DNAJA3: variants seen among roughly 807,000 people sequenced by gnomAD.
DNAJA3 encodes dnaJ homolog subfamily A member 3, mitochondrial.
A neutral mutation model predicts 54.9 loss-of-function variants in DNAJA3; 29 were observed. The observed-to-expected ratio is 0.53, with a 90% CI of 0.39 to 0.72. The LOEUF is 0.72. Ranked by LOEUF, DNAJA3 falls within the 30% of genes least tolerant of loss-of-function variation. The probability of loss-of-function intolerance (pLI) is 0.00; values close to 1 mark genes in which losing one functional copy is unlikely to be tolerated. For missense variants in DNAJA3, 708 were observed against 639.4 expected, an observed-to-expected ratio of 1.11 and a Z score of -1.16; for synonymous variants, 302 against 251.4, an observed-to-expected ratio of 1.20 and a Z score of -1.90.
At position 4,446,940 on chromosome 16, in the gene DNAJA3, T is replaced by G; in HGVS notation, c.1051T>G (p.Phe351Val). 6.2e-7 allele frequency: 1 copy of G among 1,614,178 alleles called. No individual in the cohort carries two copies. The highest frequency in any genetic ancestry group is 8.5e-7 in the Non-Finnish European group (1 of 1,180,044). The change falls in exon 8 of 12, where the codon TTT becomes GTT. Residue 351 changes from phenylalanine (F) to valine (V), a missense_variant. Physicochemically the swap from Phe to Val is conservative, Grantham distance 50. Transcript: ENST00000262375. ...RDGADIHSDL[F>V]ISIAQALLGG... Reference sequence around the variant, plus strand: ...CGGCGCAGACATCCACTCCGACCTCTTTATTTCTATAGCTCAGGCTCTTCT... The same window carrying G: ...CGGCGCAGACATCCACTCCGACCTCGTTATTTCTATAGCTCAGGCTCTTCT...
rs532741147 is a variant in DNAJA3, at chr16:4,438,289, C to G, written c.429+804C>G. On this transcript the variant is annotated intron_variant, in intron 3 of 11. Transcript: ENST00000262375. ...CTGAGATTGCGCCACTGCACTCCAG[C>G]CTGGGCGACAGAGCAAGACCCCGTC... is the stretch of plus-strand genomic sequence containing the variant. 3.3e-5 allele frequency among the ~76,000 whole-genome samples: 5 copies of G among 151,950 alleles called. No individual in the cohort carries two copies. In the South Asian group the frequency reaches 1.0e-3, roughly 32 times the overall value.
chr16:4,442,359 G>C lies in DNAJA3; in HGVS notation c.722G>C (p.Gly241Ala). ...ATGGACACGTGTGAGCGCTGCAACG[G>C]CAAGGGGAACGAGCCCGGCACCAAG... ...NIMDTCERCNGKGNEPGTKVQ... is the reference protein window; with the variant it reads ...NIMDTCERCNAKGNEPGTKVQ... Residue 241 changes from glycine to alanine, a missense_variant, in exon 5 of 12, where the codon GGC (glycine) becomes GCC (alanine). Physicochemically the swap from Gly to Ala is moderately conservative, Grantham distance 60 (BLOSUM62 0). Transcript: ENST00000262375. 1 of 1,609,804 alleles carries C rather than the reference G, an allele frequency of 6.2e-7. No individual in the cohort carries two copies. The highest frequency in any genetic ancestry group is 8.5e-7 in the Non-Finnish European group (1 of 1,177,938).
rs1173166570 is a variant in DNAJA3 at position 4,443,015 on chromosome 16, A to G, written c.784-2A>G. On this transcript the variant is annotated splice_acceptor_variant, in intron 5 of 11. Transcript: ENST00000262375. LOFTEE classifies it high-confidence loss of function. ...GGTTACCATTTTTCTTGTTTTTATC[A>G]GGAAACCATCAACACAGGCCCTTTT... 6.2e-7 allele frequency: 1 copy of G among 1,612,452 alleles called. No individual in the cohort carries two copies. The highest frequency in any genetic ancestry group is 8.5e-7 in the Non-Finnish European group (1 of 1,179,136).
rs1388367968 is a variant in DNAJA3 at position 4,443,286 on chromosome 16, G to C, written c.931+122G>C. The C allele has an allele frequency of 5.5e-6, 7 of 1,282,926 alleles. No homozygotes were observed. In the African/African-American group the frequency reaches 1.0e-4, roughly 19 times the overall value. The allele number at this position is 1,282,926 out of a possible 1,614,324, so 79.5% of individuals were successfully genotyped here. A position where few individuals can be genotyped will look rare whatever the true frequency, so the allele number is the denominator to read the frequency against. On this transcript the variant is annotated intron_variant, in intron 6 of 11. Coordinates refer to ENST00000262375, the MANE Select transcript of DNAJA3 (RefSeq NM_005147.6). ...CTGCACTGAGTGTGAGTGGGCTCTT[G>C]GTAGAAGTTATGGTTGAGGCCCTGG...
At position 4,448,775 on chromosome 16, in the gene DNAJA3, G is replaced by A; in HGVS notation, c.1168G>A (p.Gly390Arg). The change falls in exon 9 of 12, where the codon GGG becomes AGG. Residue 390 changes from glycine to arginine, a missense_variant. Transcript: ENST00000262375. Reference sequence around the variant, plus strand: ...GACAGACCAGAAGATTCGGATGGGTGGGAAAGGCATCCCCCGGATTAACAG... The same window carrying A: ...GACAGACCAGAAGATTCGGATGGGTAGGAAAGGCATCCCCCGGATTAACAG... Reference protein sequence around the residue: ...TQTDQKIRMGGKGIPRINSYG... With the variant: ...TQTDQKIRMGRKGIPRINSYG... 1 of 1,614,098 alleles carries A rather than the reference G, an allele frequency of 6.2e-7. No homozygotes were observed. Among genetic ancestry groups the A allele is most frequent in the Non-Finnish European group, 8.5e-7 (1 of 1,180,008 alleles).
intron 7 of DNAJA3, among the ~76,000 whole-genome samples, 159 bp downstream of exon 7, chr16:4,444,887 T>C (rs1389071721): frequency 6.6e-6 from 1 of 152,176 alleles, no homozygotes; most frequent in East Asian, 1.9e-4. Context: ...TTTTAGCTGT[T>C]TGTTACCTTC....
Position 4,449,657 on chromosome 16 carries a change from G to A in DNAJA3, c.1242-743G>A, listed in dbSNP as rs1596370890. ...CCCAAAGTGGTGGGATTACAGGTGT[G>A]AGCCAGCACGCCTGGCCCGTTGCTT... On this transcript the variant is annotated intron_variant, in intron 9 of 11. Coordinates refer to ENST00000262375, the MANE Select transcript of DNAJA3 (RefSeq NM_005147.6). 3 of 152,528 alleles carry A rather than the reference G, an allele frequency of 2.0e-5. No homozygotes were observed. The South Asian group carries it at 6.2e-4, about 32-fold the overall frequency. 9.4% of individuals were successfully genotyped at this position (152,528 alleles called of 1,614,324 possible). A position where few individuals can be genotyped will look rare whatever the true frequency, so the allele number is the denominator to read the frequency against.
chr16:4,427,093 T>C (rs2056633695), intron 1 of DNAJA3: 2 of 152,128 alleles, frequency 1.3e-5, no homozygotes, highest in African/African-American at 2.4e-5. Flanking sequence ...AATTTTTGTA[T>C]CTTTAATAGA....
chr16:4,429,113 T>G (rs1470661810), intron 1 of DNAJA3, among the ~76,000 whole-genome samples: 1 of 151,818 alleles, frequency 6.6e-6, no homozygotes, highest in Non-Finnish European at 1.5e-5. Flanking sequence ...CGTCTCGATC[T>G]CCTGACCTCG....
chr16:4,447,138 G>A, intron 8 of DNAJA3, 124 bp downstream of exon 8: 1 of 1,201,214 alleles, frequency 8.3e-7, no homozygotes, highest in Non-Finnish European at 1.2e-6. Context: ...CACTCACAGG[G>A]GAGGACATGA....
intron 1 of DNAJA3, among the ~76,000 whole-genome samples, chr16:4,428,561 G>A (rs2056652388): frequency 6.6e-6 from 1 of 152,180 alleles, no homozygotes; most frequent in African/African-American, 2.4e-5. Flanking sequence ...TTATTATTGT[G>A]TATGTGAAAG....
intron 3 of DNAJA3, among the ~76,000 whole-genome samples, chr16:4,439,904 A>C (rs563163861): frequency 6.6e-6 from 1 of 152,162 alleles, no homozygotes; most frequent in East Asian, 1.9e-4. Context: ...CCTTTGGAGG[A>C]AGCGTACTCT....
chr16:4,446,174 GC>G (rs1330545853), intron 7 of DNAJA3, among the ~76,000 whole-genome samples: 1 of 151,064 alleles, frequency 6.6e-6, no homozygotes, highest in Non-Finnish European at 1.5e-5. Context: ...ACCCACCTTA[GC>G]CTTCCAAAGT....
rs1330422400 is a variant in DNAJA3 at position 4,426,797 on chromosome 16, A to T, written c.211+705A>T. On this transcript the variant is annotated intron_variant, in intron 1 of 11. Transcript: ENST00000262375. ...GTTATTCCATTTTATAAAGATACTG[A>T]GGCTTAGATGTTAAACCACTTATAA... 5 of 152,306 alleles carry T rather than the reference A, an allele frequency of 3.3e-5. No individual in the cohort carries two copies. In the East Asian group the frequency reaches 9.6e-4, roughly 29 times the overall value. The allele number at this position is 152,306 out of a possible 1,614,324, so 9.4% of individuals were successfully genotyped here. A position where few individuals can be genotyped will look rare whatever the true frequency, so the allele number is the denominator to read the frequency against.
At position 4,454,941 on chromosome 16, in the gene DNAJA3, G is replaced by A. The variant is rs146397241; in HGVS notation, c.*13+14G>A. ...ATCCCAGCCGAGGTAGGAAAACCCTGGAGGTTTTTTTTCCCTTTGTTTTCC... is the reference window on the plus strand; with the variant it reads ...ATCCCAGCCGAGGTAGGAAAACCCTAGAGGTTTTTTTTCCCTTTGTTTTCC... On this transcript the variant is annotated intron_variant, in intron 11 of 11. Transcript: ENST00000262375. 3.1e-5 allele frequency: 48 copies of A among 1,571,744 alleles called. No homozygotes were observed. Among genetic ancestry groups the A allele is most frequent in the Admixed American group, 5.1e-5 (3 of 59,032 alleles).
intron 4 of DNAJA3, 103 bp downstream of exon 4, chr16:4,441,678 A>T: frequency 1.6e-6 from 2 of 1,222,890 alleles, no homozygotes; most frequent in Non-Finnish European, 2.3e-6. Context: ...GGCAGCTTAA[A>T]TGGAGTGATC....
intron 10 of DNAJA3, among the ~76,000 whole-genome samples, chr16:4,452,044 T>C (rs776949906): frequency 2.6e-5 from 4 of 152,092 alleles, no homozygotes; most frequent in Admixed American, 6.6e-5. Context: ...CACTACAGCC[T>C]GGGTGACATA....
In DNAJA3 at chr16:4,441,513, T is replaced by G; in HGVS notation, c.568T>G (p.Phe190Val). 1.2e-6 allele frequency: 2 copies of G among 1,614,196 alleles called. No homozygotes were observed. Among genetic ancestry groups the G allele is most frequent in the Non-Finnish European group, 1.7e-6 (2 of 1,180,036 alleles). ...VDPEELFRKI[F>V]GEFSSSSFGD... ...CCCCGAGGAGCTGTTCAGGAAGATC[T>G]TTGGCGAGTTCTCATCCTCTTCATT... Residue 190 changes from phenylalanine (F) to valine (V), a missense_variant, in exon 4 of 12, where the codon TTT becomes GTT. By Grantham distance (50) the Phe-to-Val change is conservative. Transcript: ENST00000262375.
chr16:4,446,951 A>G lies in DNAJA3; in HGVS notation c.1062A>G (p.Ile354Met). 1.9e-6 allele frequency: 3 copies of G among 1,614,158 alleles called. No homozygotes were observed. Among genetic ancestry groups the G allele is most frequent in the Non-Finnish European group, 2.5e-6 (3 of 1,180,026 alleles). The change falls in exon 8 of 12, where the codon ATA (isoleucine) becomes ATG (methionine). Residue 354 changes from isoleucine to methionine, a missense_variant. Transcript: ENST00000262375. ...TCCACTCCGACCTCTTTATTTCTAT[A>G]GCTCAGGCTCTTCTTGGGGGTACAG... ...ADIHSDLFIS[I>M]AQALLGGTAR...
Sources: allele counts gnomAD v4.1 joint callset (sites outside exome capture counted in the v4.1 genomes callset), GRCh38; gene constraint gnomAD v4.1.1; transcripts MANE v1.5; gene names NCBI Gene and HGNC (gene_info 2026-07-23, HGNC 2026-07-21).